The following MCF2L2 variants were observed in gnomAD, a reference collection of about 807,000 sequenced individuals.
The protein encoded by MCF2L2 is probable guanine nucleotide exchange factor MCF2L2.
Under a neutral mutation model 150.2 loss-of-function variants are expected in MCF2L2, and 102 were observed. The observed-to-expected ratio is 0.68, with a 90% CI of 0.58 to 0.80. MCF2L2 has a LOEUF of 0.80. Among genes scored for constraint, MCF2L2 ranks in the 30% least tolerant of loss-of-function variants. The pLI, the probability that MCF2L2 is intolerant of heterozygous loss-of-function variation, is 0.00. For missense variants in MCF2L2, 1,256 were observed against 1,372.8 expected, an observed-to-expected ratio of 0.91 and a Z score of 1.34; for synonymous variants, 465 against 491.3, an observed-to-expected ratio of 0.95 and a Z score of 0.71.
intron 5 of MCF2L2, among the ~76,000 whole-genome samples, chr3:183,333,703 G>T (rs1306418721): frequency 2.0e-5 from 3 of 152,070 alleles, no homozygotes; most frequent in Non-Finnish European, 4.4e-5. Flanking sequence ...GTGATTTCTA[G>T]GATATTTGTA....
intron 21 of MCF2L2, among the ~76,000 whole-genome samples, chr3:183,217,167 G>A (rs543864625): frequency 8.6e-4 from 131 of 151,512 alleles, no homozygotes; most frequent in African/African-American, 3.0e-3. Flanking sequence ...GGTGGTGGGC[G>A]CCTGTAATCC....
chr3:183,322,869 C>A (rs935683435), intron 6 of MCF2L2, among the ~76,000 whole-genome samples: 1 of 152,034 alleles, frequency 6.6e-6, no homozygotes, highest in Non-Finnish European at 1.5e-5. Flanking sequence ...TATGTATGTA[C>A]GTTAGAATCA....
chr3:183,228,339 A>G lies in MCF2L2; in HGVS notation c.2073T>C (p.Cys691=). 6.2e-7 allele frequency: 1 copy of G among 1,613,462 alleles called. No homozygotes were observed. ...NRTFLKELEK[C]AENPELLAHC... ...GTGCCAGAAGTTCAGGGTTCTCAGC[A>G]CACTTTTCCAACTCTTTTAGAAAAG... Residue 691 remains cysteine (C), a synonymous_variant, in exon 18 of 30, where the codon TGT becomes TGC. Transcript: ENST00000328913.
intron 1 of MCF2L2, among the ~76,000 whole-genome samples, chr3:183,415,964 T>C (rs1351400301): frequency 6.6e-6 from 1 of 152,134 alleles, no homozygotes; most frequent in East Asian, 1.9e-4. Flanking sequence ...TGCTTTCTTT[T>C]ACATTAATAA....
chr3:183,311,600 G>C (rs1215063382), intron 8 of MCF2L2, 48 bp downstream of exon 8: 1 of 1,606,454 alleles, frequency 6.2e-7, no homozygotes, highest in African/African-American at 1.3e-5. Flanking sequence ...GAACATCTAG[G>C]TCTACATATT....
chr3:183,379,762 G>A (rs1192326530), intron 2 of MCF2L2, among the ~76,000 whole-genome samples: 3 of 152,080 alleles, frequency 2.0e-5, no homozygotes, highest in African/African-American at 4.8e-5. Flanking sequence ...ATATTGCATG[G>A]TGGTTAAGAG....
At chr3:183,314,337 T>C (rs1372076286) in intron 7 of MCF2L2, among the ~76,000 whole-genome samples, 2 of 152,196 alleles carry the variant, frequency 1.3e-5, no homozygotes, top group Non-Finnish European at 2.9e-5. Context: ...TTTGATACGA[T>C]TGTTCCACTG....
intron 20 of MCF2L2, among the ~76,000 whole-genome samples, chr3:183,223,127 T>C (rs1723204424): frequency 6.6e-6 from 1 of 152,202 alleles, no homozygotes. Flanking sequence ...GACATTGGAC[T>C]AGTGAGGCCC....
At position 183,270,509 on chromosome 3, in the gene MCF2L2, C is replaced by A; in HGVS notation, c.1862+6363G>T. The A allele has an allele frequency of 6.2e-7, 1 of 1,614,046 alleles. No homozygotes were observed. Among genetic ancestry groups the A allele is most frequent in the Non-Finnish European group, 8.5e-7 (1 of 1,180,024 alleles). On this transcript the variant is annotated intron_variant, in intron 15 of 29. Transcript: ENST00000328913. This position sits in a 1 kb window ranked among gnomAD's most constrained non-coding sequence, Gnocchi z 4.5. ...CCATTAGAGATAAAAGCAGCAAATACTACGTGTCCTATGAAATGTACCAGT... is the reference window on the plus strand; with the variant it reads ...CCATTAGAGATAAAAGCAGCAAATAATACGTGTCCTATGAAATGTACCAGT...
intron 3 of MCF2L2, chr3:183,373,181 T>C (rs1712990506): frequency 1.3e-5 from 2 of 152,232 alleles, no homozygotes; most frequent in South Asian, 2.1e-4. Context: ...ACAATTTATA[T>C]AGCAGACGGC....
intron 27 of MCF2L2, among the ~76,000 whole-genome samples, chr3:183,187,504 C>T (rs975882280): frequency 6.6e-6 from 1 of 151,946 alleles, no homozygotes; most frequent in Non-Finnish European, 1.5e-5. Flanking sequence ...GAGTCTTGCT[C>T]TGTTTCCAGG....
chr3:183,289,283 CT>C, intron 13 of MCF2L2, 63 bp from the exon 14 acceptor site: 2 of 1,111,416 alleles, frequency 1.8e-6, no homozygotes, highest in Non-Finnish European at 1.4e-6. Context: ...TGCACTTTGT[CT>C]GATTTGGACA....
chr3:183,274,989 C>T (rs1463705827), intron 15 of MCF2L2, among the ~76,000 whole-genome samples: 1 of 151,370 alleles, frequency 6.6e-6, no homozygotes, highest in Non-Finnish European at 1.5e-5. Flanking sequence ...ATCACTGCCA[C>T]TATTATCTAT....
At chr3:183,192,796 T>A (rs1721943715) in intron 27 of MCF2L2, 2 of 478,950 alleles carry the variant, frequency 4.2e-6, no homozygotes, top group Non-Finnish European at 7.4e-6. Context: ...CATTTGCCCT[T>A]CATGTTAATT....
chr3:183,382,651 C>A (rs536546028), intron 2 of MCF2L2, among the ~76,000 whole-genome samples: 1 of 152,250 alleles, frequency 6.6e-6, no homozygotes, highest in South Asian at 2.1e-4. Flanking sequence ...CCAGTGCATT[C>A]CTTGAATGCA....
At chr3:183,299,774 T>C in intron 11 of MCF2L2, 1 of 484,646 alleles carries the variant, frequency 2.1e-6, no homozygotes, top group Non-Finnish European at 3.6e-6. Flanking sequence ...AGAAATGGGC[T>C]TCAGTTAACT....
At chr3:183,262,623 A>G (rs983403410) in intron 15 of MCF2L2, among the ~76,000 whole-genome samples, 23 of 150,744 alleles carry the variant, frequency 1.5e-4, no homozygotes, top group African/African-American at 5.6e-4. Context: ...TAGGGAGCCC[A>G]TGAGGAGGCG....
In MCF2L2 at chr3:183,283,579, T is replaced by C. The variant is rs1033409601; in HGVS notation, c.1776+5541A>G. 6.6e-6 allele frequency among the ~76,000 whole-genome samples: 1 copy of C among 152,056 alleles called. No individual in the cohort carries two copies. The highest frequency in any genetic ancestry group is 2.4e-5 in the African/African-American group (1 of 41,386). On this transcript the variant is annotated intron_variant, in intron 14 of 29. Transcript: ENST00000328913. The surrounding 1 kb of genome is among the most constrained non-coding windows in gnomAD (Gnocchi z 4.2). ...CTCTGTCACCCAGGCTGGAGAGCAG[T>C]GGCACCATCTTGGCTCACTGCACCC...
chr3:183,280,477 T>C (rs562278611), intron 14 of MCF2L2, among the ~76,000 whole-genome samples: 1 of 152,294 alleles, frequency 6.6e-6, no homozygotes, highest in Non-Finnish European at 1.5e-5. Flanking sequence ...AAATTAACTT[T>C]TCCCCAAAGT....
Sources: gnomAD v4.1 joint callset for allele counts (sites outside exome capture counted in the v4.1 genomes callset) on GRCh38, gnomAD v4.1.1 for gene constraint, Gnocchi (gnomAD v3.1) non-coding constraint, MANE v1.5 for transcripts, NCBI Gene and HGNC (gene_info 2026-07-23, HGNC 2026-07-21) for gene names.